RNPS1: variants seen among roughly 807,000 people sequenced by gnomAD.
The protein encoded by RNPS1 is RNA binding protein with serine rich domain 1.
For missense variants in RNPS1, 300 were observed against 427.6 expected, an observed-to-expected ratio of 0.70 and a Z score of 2.63; for synonymous variants, 147 against 150.0, an observed-to-expected ratio of 0.98 and a Z score of 0.15.
In RNPS1 at chr16:2,253,882, C is replaced by T. The variant is rs771729478; in HGVS notation, c.*82G>A. 12 of 1,261,402 alleles carry T rather than the reference C, an allele frequency of 9.5e-6. No individual in the cohort carries two copies. The African/African-American group carries it at 1.0e-4, about 11-fold the overall frequency. 78.1% of individuals were successfully genotyped at this position (1,261,402 alleles called of 1,614,324 possible). ...CCAGAGTCAAGGGTTTGCTTTCCTA[C>T]TGGTCTTCCTTTGGCTAGAAAAGTG... On this transcript the variant is annotated 3_prime_UTR_variant, in exon 8 of 8. Coordinates refer to ENST00000320225, the MANE Select transcript of RNPS1 (RefSeq NM_080594.4).
Position 2,253,669 on chromosome 16 carries a change from C to G in RNPS1, c.*295G>C. The G allele has an allele frequency of 1.9e-6, 1 of 540,012 alleles. No homozygotes were observed. Among genetic ancestry groups the G allele is most frequent in the Non-Finnish European group, 3.3e-6 (1 of 300,080 alleles). The allele number at this position is 540,012 out of a possible 1,614,324, so 33.5% of individuals were successfully genotyped here. A position where few individuals can be genotyped will look rare whatever the true frequency, so the allele number is the denominator to read the frequency against. On this transcript the variant is annotated 3_prime_UTR_variant, in exon 8 of 8. Transcript: ENST00000320225. ...CTCCCAGGTAAGCAGGGTCAAACCACCCCCAAGAGCCTCACTTTTCCCTGG... is the reference window on the plus strand; with the variant it reads ...CTCCCAGGTAAGCAGGGTCAAACCAGCCCCAAGAGCCTCACTTTTCCCTGG...
At chr16:2,263,883 TAC>T in intron 3 of RNPS1, 1 of 375,156 alleles carries the variant, frequency 2.7e-6, no homozygotes, top group Admixed American at 4.4e-5. Context: ...CAGCTAATTT[TAC>T]AAATTACTCT....
At chr16:2,263,369 C>T (rs562532011) in intron 3 of RNPS1, 82 bp from the exon 4 acceptor site, 1 of 1,425,760 alleles carries the variant, frequency 7.0e-7, no homozygotes, top group Admixed American at 1.9e-5. Context: ...TTGTGCTCCC[C>T]CCAGGAGAAA....
intron 7 of RNPS1, 121 bp downstream of exon 7, chr16:2,255,464 T>TGTG: frequency 8.2e-7 from 1 of 1,212,504 alleles, no homozygotes; most frequent in Non-Finnish European, 1.2e-6. Flanking sequence ...GAAGGGCTCC[T>TGTG]GCTCTCTGCC....
At chr16:2,259,267 T>C (rs1298269009) in intron 6 of RNPS1, among the ~76,000 whole-genome samples, 4 of 152,252 alleles carry the variant, frequency 2.6e-5, no homozygotes. Flanking sequence ...GCTGTATTTG[T>C]ATAAATGTTA....
chr16:2,254,012 CGGGGACCGTGATCTCCGGCGCACG>C lies in RNPS1; in HGVS notation c.846_869del (p.Val283_Pro290del), dbSNP rs751573223. 7 of 1,528,228 alleles carry C rather than the reference CGGGGACCGTGATCTCCGGCGCACG, an allele frequency of 4.6e-6. No homozygotes were observed. Among genetic ancestry groups the C allele is most frequent in the Non-Finnish European group, 4.4e-6 (5 of 1,135,556 alleles). The allele number at this position is 1,528,228 out of a possible 1,614,324, so 94.7% of individuals were successfully genotyped here. On this transcript the variant is annotated inframe_deletion, in exon 8 of 8. Transcript: ENST00000320225. ...AGCGGCTCCTGTGGCGGCGGCGGCC[CGGGGACCGTGATCTCCGGCGCACG>C]GGGGACCTGCGCCTCGGGGAGCGGG... is the stretch of plus-strand genomic sequence containing the variant.
intron 6 of RNPS1, among the ~76,000 whole-genome samples, chr16:2,259,161 C>A (rs1484843351): frequency 4.8e-5 from 7 of 146,916 alleles, no homozygotes; most frequent in Non-Finnish European, 7.5e-5. Context: ...TTAACATTAA[C>A]AGCACACTGA....
chr16:2,266,221 C>A (rs2093624563), intron 1 of RNPS1: 4 of 985,412 alleles, frequency 4.1e-6, no homozygotes, highest in Non-Finnish European at 4.8e-6. Flanking sequence ...TACGTTCTGA[C>A]CCAAGAAAGA....
At chr16:2,257,260 C>T (rs1326262186) in intron 6 of RNPS1, 2 of 152,066 alleles carry the variant, frequency 1.3e-5, no homozygotes, top group African/African-American at 2.4e-5. Flanking sequence ...CCTTCTGTGC[C>T]CTAAGGGGTA....
At chr16:2,262,553 G>A (rs2093607422) in intron 5 of RNPS1, 122 bp from the exon 6 acceptor site, 20 of 1,103,440 alleles carry the variant, frequency 1.8e-5, no homozygotes, top group Non-Finnish European at 2.5e-5. Context: ...ATGAGTACCA[G>A]TGTTGTTCTG....
At chr16:2,257,195 C>A (rs927501966) in intron 6 of RNPS1, 3 of 152,172 alleles carry the variant, frequency 2.0e-5, no homozygotes, top group Non-Finnish European at 4.4e-5. Context: ...GGAGCATGCA[C>A]CCCGACCTCA....
chr16:2,259,283 ATG>A (rs1347802007), intron 6 of RNPS1, among the ~76,000 whole-genome samples: 2 of 152,190 alleles, frequency 1.3e-5, no homozygotes, highest in Non-Finnish European at 1.5e-5. Context: ...TGTTATTGAT[ATG>A]TGTCCCAAAA....
chr16:2,255,573 C>T lies in RNPS1; in HGVS notation c.818+12G>A. On this transcript the variant is annotated intron_variant, in intron 7 of 7. Transcript: ENST00000320225. ...TGGCCTGATCAGTCCACTGAAACTA[C>T]AAATTGTTTACCTTCTCCTCATCCG... 6.4e-7 allele frequency: 1 copy of T among 1,562,266 alleles called. No homozygotes were observed. Among genetic ancestry groups the T allele is most frequent in the Non-Finnish European group, 8.6e-7 (1 of 1,158,170 alleles).
chr16:2,255,769 C>T, intron 6 of RNPS1, 43 bp from the exon 7 acceptor site: 2 of 1,596,014 alleles, frequency 1.3e-6, no homozygotes, highest in Non-Finnish European at 1.7e-6. Flanking sequence ...TAACAAGCAT[C>T]TACCCTAGAC....
chr16:2,260,126 A>G (rs530538822), intron 6 of RNPS1, among the ~76,000 whole-genome samples: 1 of 109,466 alleles, frequency 9.1e-6, no homozygotes, highest in East Asian at 2.6e-4. Flanking sequence ...TTTGGAAACT[A>G]TTTGTGTGTG....
At chr16:2,267,080 T>C (rs931731720) in intron 1 of RNPS1, 8 of 712,130 alleles carry the variant, frequency 1.1e-5, no homozygotes, top group Non-Finnish European at 1.4e-5. Flanking sequence ...CCAGTTATTC[T>C]TAAGCACTCC....
At chr16:2,260,125 T>C (rs1414466612) in intron 6 of RNPS1, among the ~76,000 whole-genome samples, 3 of 150,446 alleles carry the variant, frequency 2.0e-5, no homozygotes, top group Non-Finnish European at 4.4e-5. Context: ...ATTTGGAAAC[T>C]ATTTGTGTGT....
intron 6 of RNPS1, chr16:2,257,450 T>G (rs978396247): frequency 6.6e-6 from 1 of 152,164 alleles, no homozygotes; most frequent in Non-Finnish European, 1.5e-5. Context: ...ATCTTCTGTG[T>G]AGCTGCCAGT....
At chr16:2,258,552 C>G (rs2093588647) in intron 6 of RNPS1, 1 of 151,192 alleles carries the variant, frequency 6.6e-6, no homozygotes, top group Non-Finnish European at 1.5e-5. Flanking sequence ...TGGTGAAACC[C>G]CATCTCTACT....
Sources: allele counts gnomAD v4.1 joint callset (sites outside exome capture counted in the v4.1 genomes callset), GRCh38; gene constraint gnomAD v4.1.1; transcripts MANE v1.5; gene names NCBI Gene and HGNC (gene_info 2026-07-23, HGNC 2026-07-21).